Variants in DEPDC4 observed in about 807,000 individuals in gnomAD.
DEPDC4 encodes the protein DEP domain containing 4.
A neutral mutation model predicts 52.0 loss-of-function variants in DEPDC4; 52 were observed. The observed-to-expected ratio is 1.00, with a 90% CI of 0.80 to 1.26. The LOEUF (loss-of-function observed/expected upper bound fraction) is 1.26. Ranked by LOEUF, DEPDC4 falls within the 50% of genes most tolerant of loss-of-function variation. The pLI, the probability that DEPDC4 is intolerant of heterozygous loss-of-function variation, is 0.00. For missense variants in DEPDC4, 530 were observed against 546.9 expected (o/e 0.97, Z 0.31); for synonymous variants, 201 against 196.8 (o/e 1.02, Z -0.18).
At chr12:100,237,983 C>T, downstream of DEPDC4, 1 of 719,608 alleles carries the variant, frequency 1.4e-6, no homozygotes, top group Non-Finnish European at 1.7e-6. Flanking sequence ...TCACACTGAA[C>T]ATTAAAATGG....
upstream of DEPDC4, among the ~76,000 whole-genome samples, chr12:100,271,514 T>C (rs2096287689): frequency 6.6e-6 from 1 of 152,232 alleles, no homozygotes; most frequent in African/African-American, 2.4e-5. Flanking sequence ...GGCATTTACA[T>C]ACAAATCTCA....
the DEPDC4 span, among the ~76,000 whole-genome samples, chr12:100,272,234 C>T: frequency 6.6e-6 from 1 of 152,168 alleles, no homozygotes; most frequent in African/African-American, 2.4e-5. Context: ...TAAGAATTTC[C>T]ATCATTTATA....
chr12:100,256,002 G>GA (rs763474058), intron 4 of DEPDC4, 47 bp downstream of exon 4: 13 of 1,460,178 alleles, frequency 8.9e-6, no homozygotes, highest in African/African-American at 8.5e-5. Flanking sequence ...GCAAATATGT[G>GA]AAAAAAACTG....
At chr12:100,277,296 C>G in the DEPDC4 span, among the ~76,000 whole-genome samples, 1 of 152,162 alleles carries the variant, frequency 6.6e-6, no homozygotes, top group Non-Finnish European at 1.5e-5. Context: ...CTGTTGAAGT[C>G]TCTGTCCTTA....
At chr12:100,244,181 T>G (rs1267241022) in intron 8 of DEPDC4, among the ~76,000 whole-genome samples, 3 of 143,862 alleles carry the variant, frequency 2.1e-5, no homozygotes, top group Non-Finnish European at 3.0e-5. Flanking sequence ...TTTTTTGGTT[T>G]GTTTGTTTGT....
At chr12:100,239,554 A>G (rs2096150600), downstream of DEPDC4, among the ~76,000 whole-genome samples, 1 of 151,922 alleles carries the variant, frequency 6.6e-6, no homozygotes, top group African/African-American at 2.4e-5. Flanking sequence ...TAAAATTTTT[A>G]TTTTTATTTT....
rs768828014 is a variant in DEPDC4 at position 100,267,022 on chromosome 12, T to C, written c.55A>G (p.Arg19Gly). The change falls in exon 1 of 10, where the codon AGG becomes GGG. Residue 19 changes from arginine (R) to glycine (G), a missense_variant. By Grantham distance (125) the Arg-to-Gly change is moderately radical. Transcript: ENST00000550587. ...RELMAVLLTP[R>G]FRRLVSQNEL... Reference sequence around the variant, plus strand: ...TTCTGACTGACAAGTCTACGGAACCTCGGAGTCAAAAGAACCGCCATAAGC... The same window carrying C: ...TTCTGACTGACAAGTCTACGGAACCCCGGAGTCAAAAGAACCGCCATAAGC... 1 of 1,613,966 alleles carries C rather than the reference T, an allele frequency of 6.2e-7. No individual in the cohort carries two copies. The highest frequency in any genetic ancestry group is 8.5e-7 in the Non-Finnish European group (1 of 1,179,928).
At chr12:100,237,528 G>C (rs7316214), downstream of DEPDC4, among the ~76,000 whole-genome samples, 3,668 of 152,050 alleles carry the variant, frequency 0.024, 90 homozygotes, top group African/African-American at 0.059. Context: ...ATTTTTTCTA[G>C]TTCTGTAAAG....
At chr12:100,251,129 G>T (rs1049394111) in intron 7 of DEPDC4, among the ~76,000 whole-genome samples, 2 of 151,914 alleles carry the variant, frequency 1.3e-5, no homozygotes, top group African/African-American at 2.4e-5. Context: ...AATAAAATGG[G>T]GTCTTGCAAT....
intron 9 of DEPDC4, among the ~76,000 whole-genome samples, chr12:100,234,386 G>C (rs916268559): frequency 1.3e-5 from 2 of 152,180 alleles, no homozygotes; most frequent in Non-Finnish European, 2.9e-5. Context: ...GGGAGATTCT[G>C]GCTGAACTGA....
intron 8 of DEPDC4, among the ~76,000 whole-genome samples, chr12:100,244,211 C>T (rs2096175236): frequency 6.7e-6 from 1 of 149,732 alleles, no homozygotes; most frequent in Admixed American, 6.7e-5. Context: ...GACAGAGTCT[C>T]TCTCTGTCGC....
At chr12:100,267,134 A>C (rs1045207561), upstream of DEPDC4, 11 of 1,574,032 alleles carry the variant, frequency 7.0e-6, no homozygotes, top group South Asian at 1.2e-5. Context: ...CCTCTTCCGA[A>C]CCGGCAGGAA....
At chr12:100,242,745 A>G (rs2096165120) in intron 8 of DEPDC4, among the ~76,000 whole-genome samples, 176 bp from the exon 9 acceptor site, 1 of 152,220 alleles carries the variant, frequency 6.6e-6, no homozygotes, top group South Asian at 2.1e-4. Context: ...TGCCAGTTTT[A>G]GCATACTTCT....
downstream of DEPDC4, among the ~76,000 whole-genome samples, chr12:100,238,699 T>C (rs1374604506): frequency 2.0e-5 from 3 of 151,738 alleles, no homozygotes; most frequent in African/African-American, 7.3e-5. Context: ...TTGTGCAGGC[T>C]GGTCTTGGAA....
At chr12:100,267,207 C>G, upstream of DEPDC4, 3 of 959,842 alleles carry the variant, frequency 3.1e-6, no homozygotes, top group Non-Finnish European at 4.5e-6. Context: ...ACTCTTCGTC[C>G]CCGGTCCCTC....
At chr12:100,277,966 G>T in the DEPDC4 span, among the ~76,000 whole-genome samples, 1 of 151,900 alleles carries the variant, frequency 6.6e-6, no homozygotes, top group African/African-American at 2.4e-5. Context: ...AAATGATACT[G>T]TACTGCCTCA....
At chr12:100,237,091 T>C (rs771828957), downstream of DEPDC4, among the ~76,000 whole-genome samples, 2 of 152,212 alleles carry the variant, frequency 1.3e-5, no homozygotes, top group South Asian at 2.1e-4. Flanking sequence ...TATGGCCTTA[T>C]AGTATAGTTT....
At chr12:100,273,599 G>A in the DEPDC4 span, among the ~76,000 whole-genome samples, 2 of 152,120 alleles carry the variant, frequency 1.3e-5, no homozygotes, top group Non-Finnish European at 2.9e-5. Flanking sequence ...ATGATGGATA[G>A]CATCTCAAAT....
chr12:100,247,201 GTTTTT>G (rs869121983), intron 8 of DEPDC4, among the ~76,000 whole-genome samples: 2 of 71,694 alleles, frequency 2.8e-5, no homozygotes, highest in Admixed American at 2.4e-4. Flanking sequence ...TCCCCTTAGT[GTTTTT>G]TTTTTTTTTT....
Sources: gnomAD v4.1 joint callset for allele counts (sites outside exome capture counted in the v4.1 genomes callset) on GRCh38, gnomAD v4.1.1 for gene constraint, MANE v1.5 for transcripts, NCBI Gene and HGNC (gene_info 2026-07-23, HGNC 2026-07-21) for gene names.